Variants in SCAI observed in about 807,000 individuals in gnomAD.
SCAI encodes protein SCAI.
Under a neutral mutation model 92.2 loss-of-function variants are expected in SCAI, and 24 were observed. That is an observed-to-expected ratio of 0.26 (90% confidence interval 0.19 to 0.37). The LOEUF is 0.37. Among genes scored for constraint, SCAI ranks in the 10% least tolerant of loss-of-function variants. The pLI, the probability that SCAI is intolerant of heterozygous loss-of-function variation, is 1.00. For missense variants in SCAI, 450 were observed against 736.2 expected (o/e 0.61, Z 4.50); for synonymous variants, 261 against 258.6 (o/e 1.01, Z -0.09).
At chr9:125,028,357 C>A in intron 5 of SCAI, 35 bp downstream of exon 5, 2 of 1,180,158 alleles carry the variant, frequency 1.7e-6, no homozygotes, top group Non-Finnish European at 1.3e-6. Flanking sequence ...TTTAATCAGA[C>A]AACACTTTAC....
chr9:124,995,132 G>A (rs1832213080), intron 13 of SCAI, 117 bp from the exon 14 acceptor site: 4 of 627,838 alleles, frequency 6.4e-6, no homozygotes, highest in South Asian at 2.7e-5. Context: ...GAAAAACAAA[G>A]ACTAGTTAAG....
intron 9 of SCAI, among the ~76,000 whole-genome samples, chr9:125,004,590 A>C (rs1193166986): frequency 6.6e-6 from 1 of 150,578 alleles, no homozygotes; most frequent in Middle Eastern, 3.5e-3. Flanking sequence ...CAGCCTCCCA[A>C]AGTGCTAGGA....
rs1831506739 is a variant in SCAI at position 124,964,807 on chromosome 9, T to C, written c.1674+6563A>G. Reference sequence around the variant, plus strand: ...AACTAATCTGGAAGAAAGTTCCTGTTGTCCAGACCTTCTTGTTGTACTGGC... The same window carrying C: ...AACTAATCTGGAAGAAAGTTCCTGTCGTCCAGACCTTCTTGTTGTACTGGC... On this transcript the variant is annotated intron_variant, in intron 17 of 17. Transcript: ENST00000336505. Among the ~76,000 whole-genome samples, 3 of 152,366 alleles carry C rather than the reference T, an allele frequency of 2.0e-5. No individual in the cohort carries two copies. In the South Asian group the frequency reaches 6.2e-4, roughly 32 times the overall value.
chr9:124,979,199 T>A (rs1219170166), intron 14 of SCAI, among the ~76,000 whole-genome samples: 1 of 151,888 alleles, frequency 6.6e-6, no homozygotes, highest in Non-Finnish European at 1.5e-5. Context: ...TATGGTGCAA[T>A]GTGGTACAAG....
chr9:125,052,996 T>C (rs938213573), intron 3 of SCAI, among the ~76,000 whole-genome samples: 15 of 152,022 alleles, frequency 9.9e-5, no homozygotes, highest in Non-Finnish European at 1.8e-4. Flanking sequence ...GGAAAACAGT[T>C]TGGCAGGTCC....
intron 2 of SCAI, among the ~76,000 whole-genome samples, chr9:125,080,284 A>G (rs554926306): frequency 1.1e-4 from 17 of 152,104 alleles, no homozygotes; most frequent in African/African-American, 3.9e-4. Flanking sequence ...ACACAGTTAG[A>G]AAAAAAACCC....
chr9:125,023,612 A>G (rs1374114234), intron 6 of SCAI, among the ~76,000 whole-genome samples: 1 of 152,142 alleles, frequency 6.6e-6, no homozygotes, highest in African/African-American at 2.4e-5. Flanking sequence ...TTTGCAGGCC[A>G]CATTTGGTGC....
chr9:125,085,722 AGTGAGCC>A (rs1834312482), intron 2 of SCAI, among the ~76,000 whole-genome samples: 1 of 152,188 alleles, frequency 6.6e-6, no homozygotes, highest in Non-Finnish European at 1.5e-5. Context: ...CTGAGAATGC[AGTGAGCC>A]GTGATCGCAC....
intron 3 of SCAI, among the ~76,000 whole-genome samples, chr9:125,039,946 T>C (rs1833285625): frequency 6.6e-6 from 1 of 152,162 alleles, no homozygotes; most frequent in Non-Finnish European, 1.5e-5. Flanking sequence ...TTTTCAATTA[T>C]GAAAATAATA....
At position 125,018,874 on chromosome 9, in the gene SCAI, T is replaced by C. The variant is rs1832814576; in HGVS notation, c.786A>G (p.Pro262=). ...CCACAATCATGCCCTGTTCCAGCAA[T>C]GGGGCTCCTGTTTCAGCAAGGCGAT... ...TSNRLAETGA[P]LLEQGMIVGQ... The change falls in exon 9 of 18, where the codon CCA becomes CCG. Residue 262 remains proline, a synonymous_variant. Transcript: ENST00000336505. 1 of 1,613,774 alleles carries C rather than the reference T, an allele frequency of 6.2e-7. No homozygotes were observed. Among genetic ancestry groups the C allele is most frequent in the Non-Finnish European group, 8.5e-7 (1 of 1,179,834 alleles).
At chr9:125,043,689 C>T (rs1833376560) in intron 3 of SCAI, among the ~76,000 whole-genome samples, 1 of 152,100 alleles carries the variant, frequency 6.6e-6, no homozygotes, top group Non-Finnish European at 1.5e-5. Context: ...GGTGCGATCT[C>T]CACTCACTGC....
chr9:125,128,612 G>A (rs1299268295), intron 2 of SCAI, among the ~76,000 whole-genome samples: 2 of 152,058 alleles, frequency 1.3e-5, no homozygotes, highest in Non-Finnish European at 2.9e-5. Context: ...AATTAGCCGG[G>A]TGTGGTGGTG....
chr9:125,032,184 TATATATATA>T (rs1336245158), intron 3 of SCAI, among the ~76,000 whole-genome samples: 17 of 83,830 alleles, frequency 2.0e-4, no homozygotes, highest in African/African-American at 7.9e-4. Flanking sequence ...TATATATATA[TATATATATA>T]TATTTTTTTT....
At chr9:125,136,832 C>T (rs913808580) in intron 2 of SCAI, among the ~76,000 whole-genome samples, 1 of 149,862 alleles carries the variant, frequency 6.7e-6, no homozygotes, top group Admixed American at 6.7e-5. Context: ...GCAGCGATCT[C>T]GGCTCACTGC....
At chr9:125,101,315 G>C (rs1187921243) in intron 2 of SCAI, among the ~76,000 whole-genome samples, 1 of 152,326 alleles carries the variant, frequency 6.6e-6, no homozygotes, top group East Asian at 1.9e-4. Flanking sequence ...AACGGAAGCA[G>C]GGAAGCCAGT....
intron 17 of SCAI, among the ~76,000 whole-genome samples, chr9:124,961,699 A>G (rs1392476355): frequency 6.6e-6 from 1 of 151,980 alleles, no homozygotes; most frequent in African/African-American, 2.4e-5. Flanking sequence ...GAATCCATAA[A>G]TGGACAAATA....
At chr9:125,077,962 A>ACC (rs1366315651) in intron 2 of SCAI, among the ~76,000 whole-genome samples, 2 of 145,056 alleles carry the variant, frequency 1.4e-5, no homozygotes, top group African/African-American at 2.5e-5. Context: ...CAAGTGATCC[A>ACC]CACCCCCCCC....
At chr9:125,074,339 C>T (rs1834042983) in intron 2 of SCAI, among the ~76,000 whole-genome samples, 1 of 151,194 alleles carries the variant, frequency 6.6e-6, no homozygotes, top group African/African-American at 2.4e-5. Flanking sequence ...TCACTACAAC[C>T]CCCACCTCCC....
At chr9:125,046,341 A>ATG (rs139304609) in intron 3 of SCAI, among the ~76,000 whole-genome samples, 25,489 of 79,884 alleles carry the variant, frequency 0.32, 5,117 homozygotes, top group Middle Eastern at 0.46. Flanking sequence ...ACATATATAT[A>ATG]TGTGTGTGTG....
Sources: allele counts gnomAD v4.1 joint callset (sites outside exome capture counted in the v4.1 genomes callset), GRCh38; gene constraint gnomAD v4.1.1; transcripts MANE v1.5; gene names NCBI Gene and HGNC (gene_info 2026-07-23, HGNC 2026-07-21).